Variants in RAD54L2 observed in about 807,000 individuals in gnomAD.
The protein encoded by RAD54L2 is RAD54 like 2.
A neutral mutation model predicts 138.4 loss-of-function variants in RAD54L2; 27 were observed. The ratio of observed to expected loss-of-function variants is 0.20; its 90% CI spans 0.14 to 0.27. The LOEUF (loss-of-function observed/expected upper bound fraction) is 0.27, where lower values mean the gene tolerates loss of function less well. RAD54L2 is among the 10% of genes least tolerant of loss of function. The pLI, the probability that RAD54L2 is intolerant of heterozygous loss-of-function variation, is 1.00. For synonymous variants in RAD54L2, 644 were observed against 723.2 expected (o/e 0.89, Z 1.76); for missense variants, 1,396 against 1,890.2 (o/e 0.74, Z 4.85).
At chr3:51,648,903 G>C (rs1447238645) in intron 19 of RAD54L2, among the ~76,000 whole-genome samples, 1 of 152,150 alleles carries the variant, frequency 6.6e-6, no homozygotes, top group Non-Finnish European at 1.5e-5. Context: ...CTCCTCCAAA[G>C]GATCACAGCT....
At chr3:51,540,293 C>T (rs1177644057) in intron 1 of RAD54L2, among the ~76,000 whole-genome samples, 1 of 152,172 alleles carries the variant, frequency 6.6e-6, no homozygotes, top group Non-Finnish European at 1.5e-5. Context: ...CTCTTACTGC[C>T]ATGAAGTGAG....
intron 3 of RAD54L2, among the ~76,000 whole-genome samples, chr3:51,622,797 G>C (rs759880129): frequency 9.9e-5 from 15 of 152,182 alleles, no homozygotes; most frequent in Non-Finnish European, 1.9e-4. Context: ...AGTCTCCCTT[G>C]GATGAGGAGC....
chr3:51,598,121 A>G lies in RAD54L2; in HGVS notation c.139+7562A>G, dbSNP rs866767632. ...TATATATATATATATGTGTGTGTGT[A>G]TATATATATATATGTGTGTATATAT... On this transcript the variant is annotated intron_variant, in intron 3 of 22. Coordinates refer to ENST00000684192, the MANE Select transcript of RAD54L2 (RefSeq NM_015106.4). 1.4e-3 allele frequency among the ~76,000 whole-genome samples: 195 copies of G among 142,306 alleles called. 1 individual carries two copies. The highest frequency in any genetic ancestry group is 4.0e-3 in the African/African-American group (157 of 39,164). 93.4% of individuals were successfully genotyped at this position (142,306 alleles called of 152,430 possible).
rs1326134041 is a variant in RAD54L2 at position 51,663,134 on chromosome 3, C to A, written c.4118C>A (p.Pro1373His). 1 of 1,613,890 alleles carries A rather than the reference C, an allele frequency of 6.2e-7. No homozygotes were observed. Reference protein sequence around the residue: ...TASNPSFMLNPSVPGILPSYS... With the variant: ...TASNPSFMLNHSVPGILPSYS... ...AGCAACCCCTCCTTCATGCTCAACC[C>A]TTCTGTGCCAGGGATACTACCCAGC... The change falls in exon 23 of 23, where the codon CCT (proline) becomes CAT (histidine). Residue 1373 changes from proline (P) to histidine (H), a missense_variant. By Grantham distance (77) the Pro-to-His change is moderately conservative. Around this residue, in one of 7 missense-constraint regions of RAD54L2, gnomAD observed 634 missense variants for 711.2 expected, o/e 0.89. Coordinates refer to ENST00000684192, the MANE Select transcript of RAD54L2 (RefSeq NM_015106.4).
intron 2 of RAD54L2, among the ~76,000 whole-genome samples, chr3:51,557,916 C>T (rs1003529518): frequency 6.6e-6 from 1 of 151,200 alleles, no homozygotes; most frequent in African/African-American, 2.4e-5. Context: ...ACAATCTCTG[C>T]TCATTGCAAC....
chr3:51,651,916 A>G (rs1701448552), intron 19 of RAD54L2, among the ~76,000 whole-genome samples: 1 of 152,214 alleles, frequency 6.6e-6, no homozygotes, highest in Admixed American at 6.5e-5. Flanking sequence ...TATTCAACAT[A>G]GTGTTGGAAG....
At chr3:51,554,196 G>A (rs767036881) in intron 2 of RAD54L2, among the ~76,000 whole-genome samples, 5 of 152,012 alleles carry the variant, frequency 3.3e-5, no homozygotes, top group Admixed American at 6.6e-5. Context: ...GTGAAACTCC[G>A]TCTCTACTAA....
intron 3 of RAD54L2, among the ~76,000 whole-genome samples, chr3:51,626,872 T>G (rs753772786): frequency 3.3e-5 from 5 of 152,194 alleles, no homozygotes; most frequent in African/African-American, 4.8e-5. Context: ...ATTCCTGTGA[T>G]GTCTTCAACC....
chr3:51,650,654 A>G (rs533552848), intron 19 of RAD54L2, among the ~76,000 whole-genome samples: 1 of 152,380 alleles, frequency 6.6e-6, no homozygotes, highest in South Asian at 2.1e-4. Context: ...ACACAACTAC[A>G]TGAAAACTGA....
chr3:51,591,004 G>A, intron 3 of RAD54L2, among the ~76,000 whole-genome samples: 1 of 152,186 alleles, frequency 6.6e-6, no homozygotes, highest in South Asian at 2.1e-4. Flanking sequence ...GAATTGTCCA[G>A]GCAGAGATTC....
At chr3:51,628,979 G>A (rs1284376880) in intron 4 of RAD54L2, among the ~76,000 whole-genome samples, 1 of 152,000 alleles carries the variant, frequency 6.6e-6, no homozygotes, top group Non-Finnish European at 1.5e-5. Context: ...GCCTCCCAAA[G>A]TGCTGGGATT....
At chr3:51,603,821 AGGGAAGTAAGT>A (rs1700125576) in intron 3 of RAD54L2, among the ~76,000 whole-genome samples, 5 of 152,060 alleles carry the variant, frequency 3.3e-5, no homozygotes, top group Admixed American at 3.3e-4. Context: ...ACTGCACCTG[AGGGAAGTAAGT>A]GGGCTAGCCA....
chr3:51,650,666 C>G (rs1014734629), intron 19 of RAD54L2, among the ~76,000 whole-genome samples: 12 of 152,192 alleles, frequency 7.9e-5, no homozygotes, highest in African/African-American at 2.4e-4. Context: ...GAAAACTGAA[C>G]AACCTGCTCC....
At chr3:51,619,679 T>G (rs1387045664) in intron 3 of RAD54L2, among the ~76,000 whole-genome samples, 1 of 152,214 alleles carries the variant, frequency 6.6e-6, no homozygotes, top group Non-Finnish European at 1.5e-5. Context: ...ACCAAATTTC[T>G]ATTTCAATTA....
Position 51,640,015 on chromosome 3 carries a change from TC to T in RAD54L2, c.2231+18del, listed in dbSNP as rs1577450515. 1 of 1,543,566 alleles carries T rather than the reference TC, an allele frequency of 6.5e-7. No homozygotes were observed. The highest frequency in any genetic ancestry group is 1.4e-5 in the African/African-American group (1 of 73,358). ...TTGTGTTTAGGTAGGATGAGAAACTTCCATTTGAGGCTGTGTGTCTATGGTA... is the reference window on the plus strand; with the variant it reads ...TTGTGTTTAGGTAGGATGAGAAACTTCATTTGAGGCTGTGTGTCTATGGTA... On this transcript the variant is annotated intron_variant, in intron 14 of 22. Transcript: ENST00000684192.
chr3:51,576,023 T>C (rs563290792), intron 2 of RAD54L2, among the ~76,000 whole-genome samples: 1 of 152,330 alleles, frequency 6.6e-6, no homozygotes, highest in Non-Finnish European at 1.5e-5. Context: ...ATATGTTCCA[T>C]CAATACCTAG....
intron 19 of RAD54L2, among the ~76,000 whole-genome samples, chr3:51,653,959 C>T (rs1458018196): frequency 6.6e-6 from 1 of 152,052 alleles, no homozygotes; most frequent in African/African-American, 2.4e-5. Flanking sequence ...AAAAACTTGA[C>T]AAATGAGGTT....
intron 7 of RAD54L2, among the ~76,000 whole-genome samples, chr3:51,633,201 C>CA (rs1266415998): frequency 6.6e-6 from 1 of 152,164 alleles, no homozygotes; most frequent in Admixed American, 6.5e-5. Flanking sequence ...GCCTGGGTGA[C>CA]AGAGCCAGAC....
chr3:51,667,505 A>G lies in RAD54L2; in HGVS notation c.*4085A>G, dbSNP rs1701934102. On this transcript the variant is annotated 3_prime_UTR_variant, in exon 23 of 23. Coordinates refer to ENST00000684192, the MANE Select transcript of RAD54L2 (RefSeq NM_015106.4). ...TTCTCAGATCAGTCTTTCCCTTCTGAGCCATGGCCTTCTGTGCACCCAGCT... is the reference window on the plus strand; with the variant it reads ...TTCTCAGATCAGTCTTTCCCTTCTGGGCCATGGCCTTCTGTGCACCCAGCT... The G allele has an allele frequency of 6.6e-6, 1 of 152,044 alleles. No homozygotes were observed. Among genetic ancestry groups the G allele is most frequent in the Admixed American group, 6.6e-5 (1 of 15,264 alleles). The allele number at this position is 152,044 out of a possible 1,614,324, so 9.4% of individuals were successfully genotyped here.
Sources: allele counts gnomAD v4.1 joint callset (sites outside exome capture counted in the v4.1 genomes callset), GRCh38; gene constraint gnomAD v4.1.1; regional missense constraint gnomAD v4.1.1; transcripts MANE v1.5; gene names NCBI Gene and HGNC (gene_info 2026-07-23, HGNC 2026-07-21).